The following TRPM1 variants were observed in gnomAD, a reference collection of about 807,000 sequenced individuals.
TRPM1 encodes the protein transient receptor potential cation channel subfamily M member 1.
Under a neutral mutation model 149.4 loss-of-function variants are expected in TRPM1, and 113 were observed. The observed-to-expected ratio is 0.76, with a 90% CI of 0.65 to 0.88. TRPM1 has a LOEUF of 0.88. TRPM1 is among the 40% of genes least tolerant of loss of function. The pLI is 0.00. For missense variants in TRPM1, 1,976 were observed against 2,038.7 expected, an observed-to-expected ratio of 0.97 and a Z score of 0.59; for synonymous variants, 741 against 759.5, an observed-to-expected ratio of 0.98 and a Z score of 0.40.
intron 1 of TRPM1, among the ~76,000 whole-genome samples, chr15:31,113,495 A>G (rs1163253013): frequency 6.6e-6 from 1 of 152,158 alleles, no homozygotes; most frequent in Non-Finnish European, 1.5e-5. Flanking sequence ...TATCTTAAAG[A>G]CAGTGACTGA....
chr15:31,025,961 G>C (rs73368469), intron 27 of TRPM1, among the ~76,000 whole-genome samples, 178 bp downstream of exon 27: 1 of 152,248 alleles, frequency 6.6e-6, no homozygotes, highest in East Asian at 1.9e-4. Context: ...CCAATGCACA[G>C]TTATTACCTA....
chr15:31,102,437 T>C (rs111560393), upstream of TRPM1, among the ~76,000 whole-genome samples: 538 of 152,370 alleles, frequency 3.5e-3, 1 homozygote, highest in African/African-American at 0.012. Flanking sequence ...TTCCCCAGCA[T>C]CTGAGGCTCT....
rs1452504181 is a variant in TRPM1 at position 31,037,789 on chromosome 15, T to C, written c.2493A>G (p.Lys831=). The part of the protein sequence containing the change: ...SRKGDEENEH[K]KQRSIPIGTK... Reference sequence around the variant, plus strand: ...TTCCGATGGGAATACTTCTCTGTTTTTTGTGCTCGTTCTCCTCATCCCCCT... The same window carrying C: ...TTCCGATGGGAATACTTCTCTGTTTCTTGTGCTCGTTCTCCTCATCCCCCT... Residue 831 remains lysine (K), a synonymous_variant, in exon 20 of 28, where the codon AAA becomes AAG. Transcript: ENST00000256552. The C allele has an allele frequency of 2.5e-6, 4 of 1,614,114 alleles. No homozygotes were observed. In the African/African-American group the frequency reaches 4.0e-5, roughly 16 times the overall value.
intron 1 of TRPM1, among the ~76,000 whole-genome samples, chr15:31,145,453 G>A (rs1290820715): frequency 6.6e-6 from 1 of 152,226 alleles, no homozygotes; most frequent in Admixed American, 6.5e-5. Flanking sequence ...TGGATGGAAT[G>A]TTGAACCTGT....
chr15:31,092,483 G>A (rs1232348119), intron 1 of TRPM1, among the ~76,000 whole-genome samples: 2 of 152,194 alleles, frequency 1.3e-5, no homozygotes, highest in Non-Finnish European at 2.9e-5. Flanking sequence ...TGGACCCCCA[G>A]CCCTGTCCCT....
intron 21 of TRPM1, 51 bp downstream of exon 21, chr15:31,035,495 G>A (rs1024598203): frequency 1.2e-6 from 2 of 1,613,062 alleles, no homozygotes; most frequent in South Asian, 2.2e-5. Context: ...AGCCATATCT[G>A]CATTTGCAGT....
In TRPM1 at chr15:31,047,171, G is replaced by A; in HGVS notation, c.1704C>T (p.Arg568=). 6.2e-7 allele frequency: 1 copy of A among 1,614,256 alleles called. No homozygotes were observed. The highest frequency in any genetic ancestry group is 8.5e-7 in the Non-Finnish European group (1 of 1,180,046). The change falls in exon 15 of 28, where the codon CGC becomes CGT. Residue 568 remains arginine (R), a synonymous_variant. Transcript: ENST00000256552. ...GAAAGTTTTTCCGAGTGTAGTTGCAGCGGTAGGCTCCTCCCATGAGGTACT... is the reference window on the plus strand; with the variant it reads ...GAAAGTTTTTCCGAGTGTAGTTGCAACGGTAGGCTCCTCCCATGAGGTACT... ...VLEYLMGGAY[R]CNYTRKNFRT...
chr15:31,016,071 T>A (rs1430349369), intron 27 of TRPM1, among the ~76,000 whole-genome samples: 1 of 152,244 alleles, frequency 6.6e-6, no homozygotes, highest in African/African-American at 2.4e-5. Flanking sequence ...ACTAGATAAA[T>A]GAAAGCTGTC....
At chr15:31,080,803 A>G (rs2034837887) in intron 2 of TRPM1, among the ~76,000 whole-genome samples, 1 of 147,396 alleles carries the variant, frequency 6.8e-6, no homozygotes, top group Admixed American at 6.8e-5. Flanking sequence ...CCGCCCTAGG[A>G]TAAGAAACCC....
chr15:31,134,428 C>A (rs528057515), intron 1 of TRPM1, among the ~76,000 whole-genome samples: 42 of 152,204 alleles, frequency 2.8e-4, no homozygotes, highest in African/African-American at 8.9e-4. Context: ...TAGAAGTTAC[C>A]CTTTTGCAAG....
At chr15:31,089,965 T>G (rs964060020) in intron 1 of TRPM1, among the ~76,000 whole-genome samples, 2 of 152,168 alleles carry the variant, frequency 1.3e-5, no homozygotes, top group African/African-American at 4.8e-5. Context: ...GTGTGTGTGT[T>G]TGGTTTTTCT....
intron 1 of TRPM1, among the ~76,000 whole-genome samples, chr15:31,136,777 A>G (rs936087366): frequency 1.1e-4 from 16 of 146,394 alleles, no homozygotes; most frequent in African/African-American, 4.1e-4. Flanking sequence ...TATAAAGCCA[A>G]CCTCCTCTGC....
chr15:31,134,171 C>T (rs1466266248), intron 1 of TRPM1, among the ~76,000 whole-genome samples: 1 of 152,150 alleles, frequency 6.6e-6, no homozygotes. Context: ...CAGGTCACCC[C>T]TTTCTGGATT....
chr15:31,035,835 C>T, intron 20 of TRPM1, 161 bp from the exon 21 acceptor site: 1 of 1,001,584 alleles, frequency 1.0e-6, no homozygotes, highest in Non-Finnish European at 1.5e-6. Flanking sequence ...CCAGTGCAGA[C>T]AGAAGACCTG....
intron 3 of TRPM1, among the ~76,000 whole-genome samples, chr15:31,071,498 T>C (rs2140969182): frequency 6.6e-6 from 1 of 152,236 alleles, no homozygotes; most frequent in East Asian, 1.9e-4. Context: ...CCCTGCCTTG[T>C]CTTTCCTTTT....
chr15:31,058,852 C>G (rs866852849), intron 11 of TRPM1, among the ~76,000 whole-genome samples: 1 of 152,116 alleles, frequency 6.6e-6, no homozygotes, highest in South Asian at 2.1e-4. Flanking sequence ...GAGGCCAAGG[C>G]GGGTGGGTCA....
chr15:31,108,298 T>G (rs1738539091), intron 1 of TRPM1, among the ~76,000 whole-genome samples: 1 of 152,216 alleles, frequency 6.6e-6, no homozygotes, highest in Non-Finnish European at 1.5e-5. Flanking sequence ...GAATGGTCCA[T>G]GTGCACATGA....
rs953515344 is a variant in TRPM1 at position 31,016,917 on chromosome 15, T to G, written c.3629+9222A>C. ...AGATTAAATCTTTGGGCTTTTCTGT[T>G]AAAAGGATACACCTGAATGCCCTAA... On this transcript the variant is annotated intron_variant, in intron 27 of 27. Coordinates refer to ENST00000256552, the MANE Select transcript of TRPM1 (RefSeq NM_001252024.2). Among the ~76,000 whole-genome samples, 3 of 151,696 alleles carry G rather than the reference T, an allele frequency of 2.0e-5. No homozygotes were observed. The East Asian group carries it at 5.8e-4, about 29-fold the overall frequency.
At chr15:31,080,545 G>A (rs1402644611) in intron 2 of TRPM1, among the ~76,000 whole-genome samples, 1 of 152,152 alleles carries the variant, frequency 6.6e-6, no homozygotes, top group Non-Finnish European at 1.5e-5. Flanking sequence ...GCCACGAAAA[G>A]ACAAGGAAGA....
Sources: allele counts gnomAD v4.1 joint callset (sites outside exome capture counted in the v4.1 genomes callset), GRCh38; gene constraint gnomAD v4.1.1; transcripts MANE v1.5; gene names NCBI Gene and HGNC (gene_info 2026-07-23, HGNC 2026-07-21).